Variants in PTGER3 observed in about 807,000 individuals in gnomAD.
The protein encoded by PTGER3 is prostaglandin E receptor 3, also known as prostaglandin E2 receptor EP3 subtype.
PTGER3 carries 22 observed loss-of-function variants against 34.7 expected under a neutral mutation model. That is an observed-to-expected ratio of 0.63 (90% CI 0.45 to 0.91). The LOEUF (loss-of-function observed/expected upper bound fraction) is 0.91. Among genes scored for constraint, PTGER3 ranks in the 40% least tolerant of loss-of-function variants. PTGER3 has a pLI of 0.00. For missense variants in PTGER3, 468 were observed against 519.4 expected (o/e 0.90, Z 0.96); for synonymous variants, 241 against 230.1 (o/e 1.05, Z -0.43).
At chr1:71,040,705 A>G (rs1660240944) in intron 1 of PTGER3, among the ~76,000 whole-genome samples, 1 of 152,230 alleles carries the variant, frequency 6.6e-6, no homozygotes, top group Non-Finnish European at 1.5e-5. Flanking sequence ...AATGTGCAAG[A>G]CACACACTGT....
At chr1:70,887,635 A>G (rs1646526361) in intron 4 of PTGER3, among the ~76,000 whole-genome samples, 1 of 151,826 alleles carries the variant, frequency 6.6e-6, no homozygotes, top group Admixed American at 6.6e-5. Flanking sequence ...TTTTTCAACA[A>G]AGTCTCTAAA....
At chr1:70,864,726 A>T (rs1402940582) in intron 4 of PTGER3, among the ~76,000 whole-genome samples, 1 of 152,178 alleles carries the variant, frequency 6.6e-6, no homozygotes, top group African/African-American at 2.4e-5. Context: ...TGTTTAAAGC[A>T]CTTTATATAC....
rs889803738 is a variant in PTGER3, at chr1:71,007,002, G to A, written c.1077+5303C>T. On this transcript the variant is annotated intron_variant, in intron 2 of 3. Coordinates refer to ENST00000306666, the MANE Select transcript of PTGER3 (RefSeq NM_198719.2). ...CGCTCTTTTATTTTTTGTCTCCACA[G>A]TATTGAAGACCAGCCTTTAAAACAT... 6.0e-5 allele frequency: 59 copies of A among 985,476 alleles called. No individual in the cohort carries two copies. In the Admixed American group the frequency reaches 7.4e-4, roughly 12 times the overall value. 61.0% of individuals were successfully genotyped at this position (985,476 alleles called of 1,614,324 possible).
chr1:70,935,978 G>A (rs1047539517), intron 4 of PTGER3, among the ~76,000 whole-genome samples: 3 of 152,122 alleles, frequency 2.0e-5, no homozygotes, highest in African/African-American at 2.4e-5. Context: ...TAGGACTAAC[G>A]CTGTGAGAGC....
In PTGER3 at chr1:70,974,306, T is replaced by A. The variant is rs375267659; in HGVS notation, c.1160A>T (p.His387Leu). Residue 387 changes from histidine (H) to leucine (L), a missense_variant, in exon 3 of 4, where the codon CAT (histidine) becomes CTT (leucine). Around this residue, in one of 5 missense-constraint regions of PTGER3, gnomAD observed 57 missense variants for 43.8 expected, o/e 1.30. Coordinates refer to ENST00000306666, the MANE Select transcript of PTGER3 (RefSeq NM_198719.2). ...AGTTTCTAAATCTCACCTTTCCAAA[T>A]GGTCGCTCCACATCAAGGTTGAGGA... ...QCSSTLMWSD[H>L]LER 7.2e-5 allele frequency: 116 copies of A among 1,601,390 alleles called. No homozygotes were observed. The highest frequency in any genetic ancestry group is 9.3e-5 in the Non-Finnish European group (109 of 1,168,906).
chr1:70,879,259 T>G (rs939874612), intron 4 of PTGER3, among the ~76,000 whole-genome samples: 1 of 152,044 alleles, frequency 6.6e-6, no homozygotes, highest in Non-Finnish European at 1.5e-5. Context: ...TTGTTTGTTT[T>G]GTTTTGAGAC....
intron 2 of PTGER3, among the ~76,000 whole-genome samples, chr1:70,959,193 T>C (rs1651667414): frequency 1.3e-5 from 2 of 152,234 alleles, no homozygotes; most frequent in African/African-American, 2.4e-5. Flanking sequence ...AATTGTTTTT[T>C]CTATTTCTGT....
At chr1:71,029,275 T>C (rs1034170832) in intron 1 of PTGER3, among the ~76,000 whole-genome samples, 1 of 152,172 alleles carries the variant, frequency 6.6e-6, no homozygotes, top group Non-Finnish European at 1.5e-5. Context: ...CAAGGCAAGA[T>C]CTCTGCTTTT....
chr1:71,039,858 C>G (rs1013242342), intron 1 of PTGER3, among the ~76,000 whole-genome samples: 1 of 151,918 alleles, frequency 6.6e-6, no homozygotes, highest in African/African-American at 2.4e-5. Flanking sequence ...ACACTACTAT[C>G]CAGTAAAACA....
At chr1:70,928,326 G>A (rs1648333260) in intron 4 of PTGER3, among the ~76,000 whole-genome samples, 1 of 151,308 alleles carries the variant, frequency 6.6e-6, no homozygotes. Context: ...AAAAAAAAGT[G>A]GGTTAGGGGG....
At chr1:70,874,007 TTA>T (rs1481901525) in intron 4 of PTGER3, among the ~76,000 whole-genome samples, 1 of 152,226 alleles carries the variant, frequency 6.6e-6, no homozygotes, top group Admixed American at 6.5e-5. Context: ...TTCCAGATTT[TTA>T]TGTTTCATAA....
Position 70,865,779 on chromosome 1 carries a change from G to T in PTGER3, c.*24-12920C>A, listed in dbSNP as rs372727519. The T allele has an allele frequency of 1.2e-5, 16 of 1,367,162 alleles. No homozygotes were observed. In the African/African-American group the frequency reaches 1.6e-4, roughly 14 times the overall value. 84.7% of individuals were successfully genotyped at this position (1,367,162 alleles called of 1,614,324 possible). A position where few individuals can be genotyped will look rare whatever the true frequency, so the allele number is the denominator to read the frequency against. Reference sequence around the variant, plus strand: ...GACAAATCCAAGAACCAACGGAAGGGCTGAGCACAGAACCTTGAAGGATCA... The same window carrying T: ...GACAAATCCAAGAACCAACGGAAGGTCTGAGCACAGAACCTTGAAGGATCA... On this transcript the variant is annotated intron_variant, in intron 4 of 4. Coordinates refer to the PTGER3 transcript ENST00000370931.
chr1:70,857,911 T>G (rs1645844405), intron 4 of PTGER3, among the ~76,000 whole-genome samples: 1 of 152,240 alleles, frequency 6.6e-6, no homozygotes, highest in African/African-American at 2.4e-5. Context: ...TACTCATCAC[T>G]CACAACACAT....
intron 4 of PTGER3, among the ~76,000 whole-genome samples, chr1:70,939,462 G>T (rs543013355): frequency 6.6e-6 from 1 of 152,202 alleles, no homozygotes; most frequent in Non-Finnish European, 1.5e-5. Flanking sequence ...GCCCCTGTGT[G>T]GGGGCTCTGA....
At chr1:70,852,888 G>A (rs760448952) in intron 4 of PTGER3, 7 of 1,607,748 alleles carry the variant, frequency 4.4e-6, no homozygotes, top group South Asian at 1.1e-5. Flanking sequence ...AATTAGGATA[G>A]CCAATAATAA....
intron 2 of PTGER3, among the ~76,000 whole-genome samples, chr1:70,962,658 C>T (rs562449936): frequency 1.3e-5 from 2 of 152,228 alleles, no homozygotes; most frequent in South Asian, 4.2e-4. Context: ...ACTTATTCAC[C>T]ATGATGAGAA....
intron 4 of PTGER3, among the ~76,000 whole-genome samples, chr1:70,877,695 C>T (rs1646302497): frequency 6.6e-6 from 1 of 151,924 alleles, no homozygotes; most frequent in East Asian, 1.9e-4. Flanking sequence ...CTTTTTTGTA[C>T]CTATTAAGAT....
At chr1:71,037,640 A>G (rs1659955989) in intron 1 of PTGER3, among the ~76,000 whole-genome samples, 1 of 152,208 alleles carries the variant, frequency 6.6e-6, no homozygotes, top group Non-Finnish European at 1.5e-5. Flanking sequence ...GGGACGATTT[A>G]ATCTATTTAG....
chr1:70,930,153 C>T (rs1193757168), intron 4 of PTGER3, among the ~76,000 whole-genome samples: 5 of 152,090 alleles, frequency 3.3e-5, no homozygotes, highest in African/African-American at 9.7e-5. Flanking sequence ...CTTCATGGCT[C>T]CTAAAATTGA....
Sources: gnomAD v4.1 joint callset for allele counts (sites outside exome capture counted in the v4.1 genomes callset) on GRCh38, gnomAD v4.1.1 for gene constraint, gnomAD v4.1.1 regional missense constraint, MANE v1.5 for transcripts, NCBI Gene and HGNC (gene_info 2026-07-23, HGNC 2026-07-21) for gene names.